Variants in EML1 observed in about 807,000 individuals in gnomAD.
EML1 encodes the protein echinoderm microtubule-associated protein-like 1.
EML1 carries 27 observed loss-of-function variants against 110.4 expected under a neutral mutation model. The observed-to-expected ratio is 0.24, with a 90% CI of 0.18 to 0.34. EML1 has a LOEUF of 0.34. Ranked by LOEUF, EML1 falls within the 10% of genes least tolerant of loss-of-function variation. The pLI, the probability that EML1 is intolerant of heterozygous loss-of-function variation, is 1.00. For synonymous variants in EML1, 344 were observed against 385.8 expected (o/e 0.89, Z 1.27); for missense variants, 741 against 1,030.9 (o/e 0.72, Z 3.85).
intron 4 of EML1, among the ~76,000 whole-genome samples, chr14:99,882,653 A>T (rs1435127076): frequency 6.2e-4 from 2 of 3,228 alleles, no homozygotes; most frequent in Non-Finnish European, 1.7e-3. Context: ...ATGAGCTAAA[A>T]AAAAAAAAAA....
intron 17 of EML1, among the ~76,000 whole-genome samples, chr14:99,928,544 A>G (rs988764245): frequency 1.3e-5 from 2 of 151,978 alleles, no homozygotes; most frequent in African/African-American, 4.8e-5. Context: ...TTGCCTTTTC[A>G]TTATATGATT....
chr14:99,925,401 A>G (rs2060215849), intron 17 of EML1, among the ~76,000 whole-genome samples: 2 of 151,680 alleles, frequency 1.3e-5, no homozygotes, highest in South Asian at 4.2e-4. Flanking sequence ...CTGGGACTGC[A>G]GGCAGGCACC....
chr14:99,791,032 T>A (rs1393731933), upstream of EML1, among the ~76,000 whole-genome samples: 1 of 152,124 alleles, frequency 6.6e-6, no homozygotes, highest in Non-Finnish European at 1.5e-5. Flanking sequence ...TAATTTTTTG[T>A]ATTTTTTTTG....
intron 1 of EML1, among the ~76,000 whole-genome samples, chr14:99,778,254 G>A (rs1258858674): frequency 6.6e-6 from 1 of 152,154 alleles, no homozygotes; most frequent in Non-Finnish European, 1.5e-5. Flanking sequence ...TGGCCTGTGT[G>A]TTTATATTAC....
chr14:99,761,270 A>C (rs936602074), intron 1 of EML1, among the ~76,000 whole-genome samples: 2 of 152,150 alleles, frequency 1.3e-5, no homozygotes, highest in African/African-American at 4.8e-5. Context: ...GTCAGCTCCA[A>C]GTTTAGTTCA....
intron 1 of EML1, among the ~76,000 whole-genome samples, chr14:99,776,516 A>C (rs1343605908): frequency 5.3e-5 from 8 of 150,908 alleles, no homozygotes; most frequent in Non-Finnish European, 1.5e-5. Context: ...AAAAAAAAAA[A>C]CAAAACCTGT....
At chr14:99,855,455 G>A (rs549412465) in intron 2 of EML1, among the ~76,000 whole-genome samples, 1 of 152,336 alleles carries the variant, frequency 6.6e-6, no homozygotes, top group African/African-American at 2.4e-5. Flanking sequence ...CAAGAAGACA[G>A]GGAGTAGTTT....
intron 4 of EML1, among the ~76,000 whole-genome samples, chr14:99,884,676 TA>T (rs1209432567): frequency 4.6e-5 from 7 of 152,188 alleles, no homozygotes; most frequent in Non-Finnish European, 8.8e-5. Flanking sequence ...AGTAAGAAGA[TA>T]ACATATTTAG....
At chr14:99,749,191 C>T (rs547383513) in intron 1 of EML1, among the ~76,000 whole-genome samples, 148 of 152,284 alleles carry the variant, frequency 9.7e-4, no homozygotes, top group African/African-American at 3.4e-3. Context: ...GCGGGATCGC[C>T]GGATCATACG....
At chr14:99,739,106 G>GAGAGAGAGAGAGAC (rs2057008341) in intron 1 of EML1, among the ~76,000 whole-genome samples, 1 of 68,404 alleles carries the variant, frequency 1.5e-5, no homozygotes, top group African/African-American at 5.3e-5. Flanking sequence ...GAGAGAGACA[G>GAGAGAGAGAGAGAC]AGAGAGAGAG....
At chr14:99,767,533 C>T (rs753417572) in intron 1 of EML1, among the ~76,000 whole-genome samples, 2 of 151,988 alleles carry the variant, frequency 1.3e-5, no homozygotes, top group Admixed American at 6.6e-5. Context: ...ACCCAGGAAG[C>T]GGAGAGGCGG....
rs573533240 is a variant in EML1 at position 99,936,633 on chromosome 14, C to T, written c.2095+299C>T. Among the ~76,000 whole-genome samples, 32 of 152,116 alleles carry T rather than the reference C, an allele frequency of 2.1e-4. No individual in the cohort carries two copies. The highest frequency in any genetic ancestry group is 3.7e-4 in the Non-Finnish European group (25 of 67,960). On this transcript the variant is annotated intron_variant, in intron 19 of 21. Transcript: ENST00000262233. This position sits in a 1 kb window ranked among gnomAD's most constrained non-coding sequence, Gnocchi z 5.5. The stretch of plus-strand genomic sequence containing the variant: ...GGCAGGCGGATGTGGCAGAAGGGGG[C>T]GGGTCCGGGTGGATGTGGCCGAAGT...
chr14:99,745,125 G>A (rs1295039957), intron 1 of EML1, among the ~76,000 whole-genome samples: 1 of 152,084 alleles, frequency 6.6e-6, no homozygotes, highest in Non-Finnish European at 1.5e-5. Flanking sequence ...TGAGTGCAGT[G>A]GCACATCTCG....
At chr14:99,880,313 C>G (rs948554169) in intron 4 of EML1, among the ~76,000 whole-genome samples, 3 of 152,072 alleles carry the variant, frequency 2.0e-5, no homozygotes, top group African/African-American at 7.2e-5. Flanking sequence ...GTAAGAGCTG[C>G]AGTAACTCAA....
intron 3 of EML1, among the ~76,000 whole-genome samples, chr14:99,877,579 G>A (rs2059313670): frequency 6.6e-6 from 1 of 152,188 alleles, no homozygotes; most frequent in South Asian, 2.1e-4. Flanking sequence ...AGGCCTCTGA[G>A]CACTCTAGTC....
chr14:99,839,181 T>C (rs191124871), intron 1 of EML1: 21 of 152,312 alleles, frequency 1.4e-4, no homozygotes, highest in African/African-American at 5.1e-4. Context: ...AATTCATTAA[T>C]TGAAACGTAG....
rs368437573 is a variant in EML1 at position 99,895,241 on chromosome 14, A to AT, written c.677+492dup. 2.8e-4 allele frequency among the ~76,000 whole-genome samples: 42 copies of AT among 151,618 alleles called. 2 individuals are homozygous for AT. Among genetic ancestry groups the AT allele is most frequent in the South Asian group, 1.7e-3 (8 of 4,796 alleles). On this transcript the variant is annotated intron_variant, in intron 6 of 21. Transcript: ENST00000262233. ...GAATTTTAGATTCTAATGAGAACTG[A>AT]TTTTTTTTTAAGAGATAGTCTCTCC...
At chr14:99,921,847 G>C (rs1293721049) in intron 17 of EML1, among the ~76,000 whole-genome samples, 1 of 152,158 alleles carries the variant, frequency 6.6e-6, no homozygotes, top group Non-Finnish European at 1.5e-5. Context: ...CTACAGTCCA[G>C]TTTTTTAACC....
intron 1 of EML1, among the ~76,000 whole-genome samples, chr14:99,844,540 A>G (rs2058679587): frequency 7.1e-6 from 1 of 141,382 alleles, no homozygotes; most frequent in Non-Finnish European, 1.6e-5. Flanking sequence ...AATGCTCATA[A>G]AATTACTTTA....
Sources: allele counts gnomAD v4.1 joint callset (sites outside exome capture counted in the v4.1 genomes callset), GRCh38; gene constraint gnomAD v4.1.1; non-coding constraint Gnocchi (gnomAD v3.1); transcripts MANE v1.5; gene names NCBI Gene and HGNC (gene_info 2026-07-23, HGNC 2026-07-21).